Variants in FAM13A observed in about 807,000 individuals in gnomAD.
The protein encoded by FAM13A is family with sequence similarity 13 member A, also known as protein FAM13A.
In FAM13A, 76 loss-of-function variants were observed where a neutral mutation model predicts 129.6. The observed-to-expected ratio is 0.59, with a 90% CI of 0.49 to 0.71. The LOEUF (loss-of-function observed/expected upper bound fraction) is 0.71. FAM13A is among the 30% of genes least tolerant of loss of function. The pLI, the probability that FAM13A is intolerant of heterozygous loss-of-function variation, is 0.00. For synonymous variants in FAM13A, 443 were observed against 449.9 expected, an observed-to-expected ratio of 0.98 and a Z score of 0.20; for missense variants, 1,108 against 1,249.3, an observed-to-expected ratio of 0.89 and a Z score of 1.70.
intron 19 of FAM13A, among the ~76,000 whole-genome samples, chr4:88,744,268 C>T (rs1292143307): frequency 6.6e-6 from 1 of 152,164 alleles, no homozygotes; most frequent in Non-Finnish European, 1.5e-5. Flanking sequence ...TAGTGGGATA[C>T]ACACACAGTA....
At chr4:89,029,903 C>A in intron 1 of FAM13A, 2 of 452,202 alleles carry the variant, frequency 4.4e-6, no homozygotes, top group Admixed American at 4.6e-5. Context: ...AATACACTGC[C>A]GTATCTAAGA....
intron 4 of FAM13A, chr4:88,989,544 G>A (rs1031180150): frequency 1.3e-5 from 2 of 152,206 alleles, no homozygotes; most frequent in African/African-American, 2.4e-5. Flanking sequence ...GGAGGTTGCA[G>A]TGAGCCGAGA....
chr4:88,947,841 T>C (rs1167932894), intron 4 of FAM13A, among the ~76,000 whole-genome samples: 1 of 145,600 alleles, frequency 6.9e-6, no homozygotes, highest in African/African-American at 2.4e-5. Flanking sequence ...AAGTTGAAAG[T>C]CATAGATAGA....
At chr4:88,973,439 G>T (rs1377672209) in intron 4 of FAM13A, among the ~76,000 whole-genome samples, 2 of 152,016 alleles carry the variant, frequency 1.3e-5, no homozygotes, top group African/African-American at 4.8e-5. Context: ...GCCTACTAAT[G>T]AGCCCTTTAA....
At chr4:88,873,838 AAAG>A (rs1211563681) in intron 6 of FAM13A, among the ~76,000 whole-genome samples, 4 of 152,216 alleles carry the variant, frequency 2.6e-5, no homozygotes, top group African/African-American at 9.7e-5. Flanking sequence ...CAACAACAAA[AAAG>A]AGAATTTTAG....
Position 88,985,784 on chromosome 4 carries a change from A to G in FAM13A, c.605+5189T>C, listed in dbSNP as rs187020571. On this transcript the variant is annotated intron_variant, in intron 4 of 23. Transcript: ENST00000264344. ...GATGGGAAACAAACGACCATCAGAA[A>G]AGTACCATTGACTAAAACTTACTTT... is the stretch of plus-strand genomic sequence containing the variant. Among the ~76,000 whole-genome samples, 109 of 152,282 alleles carry G rather than the reference A, an allele frequency of 7.2e-4. 1 individual carries two copies. The highest frequency in any genetic ancestry group is 3.4e-3 in the Admixed American group (52 of 15,286).
intron 5 of FAM13A, among the ~76,000 whole-genome samples, chr4:88,916,644 T>G (rs1297561723): frequency 2.6e-5 from 4 of 152,222 alleles, no homozygotes; most frequent in Non-Finnish European, 5.9e-5. Context: ...TCAGGGCCTT[T>G]GTACTTGCTG....
At chr4:88,967,603 T>C (rs1182909052) in intron 4 of FAM13A, among the ~76,000 whole-genome samples, 1 of 152,072 alleles carries the variant, frequency 6.6e-6, no homozygotes, top group Non-Finnish European at 1.5e-5. Context: ...TTAAGGAGAG[T>C]AGCCTTATCT....
At chr4:88,966,082 C>A (rs1759312808) in intron 4 of FAM13A, among the ~76,000 whole-genome samples, 1 of 152,116 alleles carries the variant, frequency 6.6e-6, no homozygotes, top group South Asian at 2.1e-4. Context: ...AGAAGTGGAT[C>A]ATGTGGTAGT....
Position 88,942,820 on chromosome 4 carries a change from C to T in FAM13A, c.606-4579G>A, listed in dbSNP as rs72874154. 5.2e-3 allele frequency among the ~76,000 whole-genome samples: 798 copies of T among 152,166 alleles called. 7 individuals carry two copies. Among genetic ancestry groups the T allele is most frequent in the African/African-American group, 0.018 (764 of 41,508 alleles). On this transcript the variant is annotated intron_variant, in intron 4 of 23. Transcript: ENST00000264344. The stretch of plus-strand genomic sequence containing the variant: ...TCTCCTTACAAGGTGAAAAATTGAG[C>T]TTTGATATCAACAATACACTGATGC...
At chr4:88,904,511 C>G (rs774510222) in intron 6 of FAM13A, among the ~76,000 whole-genome samples, 1 of 152,112 alleles carries the variant, frequency 6.6e-6, no homozygotes, top group Non-Finnish European at 1.5e-5. Context: ...CAAACTAACA[C>G]AGGAATAGAA....
At chr4:88,807,522 C>A (rs998131733) in intron 7 of FAM13A, among the ~76,000 whole-genome samples, 1 of 152,146 alleles carries the variant, frequency 6.6e-6, no homozygotes, top group Non-Finnish European at 1.5e-5. Context: ...TACTGTATTA[C>A]ATGTTAGTTC....
At chr4:88,894,271 T>C (rs1316028113) in intron 6 of FAM13A, among the ~76,000 whole-genome samples, 1 of 152,190 alleles carries the variant, frequency 6.6e-6, no homozygotes. Flanking sequence ...TAGCAAACTA[T>C]TGGAAGTGAC....
intron 10 of FAM13A, among the ~76,000 whole-genome samples, chr4:88,785,463 A>T (rs1209306007): frequency 2.0e-5 from 3 of 152,104 alleles, no homozygotes; most frequent in Non-Finnish European, 2.9e-5. Context: ...GAAGACCTTT[A>T]TGGCGGCTCA....
At chr4:88,881,641 C>A (rs982580700) in intron 6 of FAM13A, among the ~76,000 whole-genome samples, 1 of 151,752 alleles carries the variant, frequency 6.6e-6, no homozygotes, top group Non-Finnish European at 1.5e-5. Context: ...CTCTGAATTG[C>A]CAGAAAAAGA....
intron 16 of FAM13A, 21 bp from the exon 17 acceptor site, chr4:88,749,054 GT>G: frequency 6.4e-7 from 1 of 1,572,130 alleles, no homozygotes; most frequent in Non-Finnish European, 8.8e-7. Context: ...GAAGTCTAGA[GT>G]AAATGCTTTG....
intron 5 of FAM13A, among the ~76,000 whole-genome samples, chr4:88,924,064 A>T (rs1442867703): frequency 1.3e-5 from 2 of 152,238 alleles, no homozygotes; most frequent in African/African-American, 4.8e-5. Flanking sequence ...GGATACAAAC[A>T]AATGGAAGAA....
chr4:88,787,626 G>T, intron 10 of FAM13A, 127 bp downstream of exon 10: 1 of 836,596 alleles, frequency 1.2e-6, no homozygotes, highest in Non-Finnish European at 1.8e-6. Context: ...AACTCTTAAA[G>T]TTTTAACCTA....
intron 21 of FAM13A, among the ~76,000 whole-genome samples, chr4:88,736,820 A>G (rs1739074559): frequency 6.6e-6 from 1 of 152,158 alleles, no homozygotes; most frequent in Non-Finnish European, 1.5e-5. Flanking sequence ...AAATCAGGAC[A>G]TATGTTCTGG....
Sources: allele counts gnomAD v4.1 joint callset (sites outside exome capture counted in the v4.1 genomes callset), GRCh38; gene constraint gnomAD v4.1.1; transcripts MANE v1.5; gene names NCBI Gene and HGNC (gene_info 2026-07-23, HGNC 2026-07-21).